Variants in LOC400499 observed in about 807,000 individuals in gnomAD.
the LOC400499 span, chr16:11,459,762 G>A: frequency 1.1e-6 from 1 of 915,926 alleles, no homozygotes; most frequent in Non-Finnish European, 1.4e-6. Flanking sequence ...ATGCAAAAGG[G>A]AAAGTCACCA....
the LOC400499 span, among the ~76,000 whole-genome samples, chr16:11,374,405 A>AT: frequency 3.9e-5 from 6 of 152,366 alleles, no homozygotes; most frequent in African/African-American, 1.2e-4. Context: ...GTGTAAGTAC[A>AT]TGCACACTTT....
At chr16:11,460,534 G>A in the LOC400499 span, 87 of 1,535,464 alleles carry the variant, frequency 5.7e-5, no homozygotes, top group African/African-American at 1.0e-3. Flanking sequence ...GCTCCAGCCT[G>A]TAGGCACCGT....
At chr16:11,427,471 G>T in the LOC400499 span, among the ~76,000 whole-genome samples, 1 of 151,794 alleles carries the variant, frequency 6.6e-6, no homozygotes, top group African/African-American at 2.4e-5. Flanking sequence ...TTGAGACAGG[G>T]TCTCATTCTG....
the LOC400499 span, among the ~76,000 whole-genome samples, chr16:11,474,455 C>CTAAA: frequency 6.6e-6 from 1 of 151,994 alleles, no homozygotes; most frequent in Non-Finnish European, 1.5e-5. Flanking sequence ...ATTTTTTGTT[C>CTAAA]TAAATAATGA....
At chr16:11,462,192 T>A in the LOC400499 span, 8 of 1,534,696 alleles carry the variant, frequency 5.2e-6, no homozygotes, top group Non-Finnish European at 4.4e-6. Context: ...ACCTGCCGTG[T>A]GAGGTTCCCG....
the LOC400499 span, chr16:11,472,101 C>G: frequency 3.0e-6 from 1 of 337,572 alleles, no homozygotes; most frequent in Non-Finnish European, 5.3e-6. Flanking sequence ...ATGCCAGTAA[C>G]CCCTACCAAC....
chr16:11,470,963 C>T, the LOC400499 span, among the ~76,000 whole-genome samples: 2 of 152,158 alleles, frequency 1.3e-5, no homozygotes, highest in East Asian at 1.9e-4. Context: ...GAAAAAGGGG[C>T]CAGTGTGTCT....
the LOC400499 span, chr16:11,460,059 G>C: frequency 7.1e-7 from 1 of 1,409,204 alleles, no homozygotes; most frequent in Non-Finnish European, 9.3e-7. Flanking sequence ...CTGGACCTGG[G>C]ACACACATGG....
chr16:11,419,739 T>C, the LOC400499 span, among the ~76,000 whole-genome samples: 1 of 151,800 alleles, frequency 6.6e-6, no homozygotes, highest in Non-Finnish European at 1.5e-5. Flanking sequence ...TACAATGAAC[T>C]CAAATTTACA....
the LOC400499 span, among the ~76,000 whole-genome samples, chr16:11,395,092 G>C: frequency 0.023 from 3,558 of 152,316 alleles, 96 homozygotes; most frequent in Middle Eastern, 0.088. Context: ...AGGCAGGTGG[G>C]GGCAGGGGAC....
At chr16:11,497,584 G>C in the LOC400499 span, among the ~76,000 whole-genome samples, 1 of 152,222 alleles carries the variant, frequency 6.6e-6, no homozygotes, top group Non-Finnish European at 1.5e-5. Context: ...AGCCTGCAGG[G>C]CTGTGGGGCA....
At chr16:11,438,887 G>A in the LOC400499 span, among the ~76,000 whole-genome samples, 1 of 152,160 alleles carries the variant, frequency 6.6e-6, no homozygotes, top group East Asian at 1.9e-4. Flanking sequence ...TTGGGGCCAA[G>A]AGTTTAAAAC....
chr16:11,426,237 A>C, the LOC400499 span, among the ~76,000 whole-genome samples: 1 of 152,150 alleles, frequency 6.6e-6, no homozygotes, highest in Admixed American at 6.5e-5. Flanking sequence ...GGAGTTCGAG[A>C]CCAGCCTGGT....
At chr16:11,476,934 C>G in the LOC400499 span, 4 of 399,014 alleles carry the variant, frequency 1.0e-5, no homozygotes, top group African/African-American at 4.1e-5. Flanking sequence ...GAGCTGAGAT[C>G]TGGAGCAGGG....
At chr16:11,396,700 A>C in the LOC400499 span, 1 of 1,231,874 alleles carries the variant, frequency 8.1e-7, no homozygotes, top group Non-Finnish European at 1.0e-6. Flanking sequence ...TCTAGGTGTC[A>C]GGCAGGCACA....
At chr16:11,471,195 G>C in the LOC400499 span, 1 of 152,678 alleles carries the variant, frequency 6.5e-6, no homozygotes, top group East Asian at 1.9e-4. Context: ...TGGGGGATCA[G>C]ACAGGAGGCC....
the LOC400499 span, chr16:11,494,481 C>A: frequency 9.4e-6 from 3 of 319,734 alleles, no homozygotes; most frequent in Non-Finnish European, 1.7e-5. Context: ...AAGGGGGGAA[C>A]CCACCCCCAC....
the LOC400499 span, among the ~76,000 whole-genome samples, chr16:11,447,585 G>A: frequency 5.9e-5 from 9 of 152,208 alleles, no homozygotes; most frequent in Non-Finnish European, 1.0e-4. Flanking sequence ...TGCATAGCCC[G>A]CAGTCCAAGA....
the LOC400499 span, among the ~76,000 whole-genome samples, chr16:11,390,705 C>A: frequency 6.6e-6 from 1 of 152,182 alleles, no homozygotes; most frequent in African/African-American, 2.4e-5. Context: ...GGGGAGGGTT[C>A]CCACCAGTCC....
Sources: gnomAD v4.1 joint callset for allele counts (sites outside exome capture counted in the v4.1 genomes callset) on GRCh38, gnomAD v4.1.1 for gene constraint, MANE v1.5 for transcripts.